The following GGACT variants were observed in gnomAD, a reference collection of about 807,000 sequenced individuals.
GGACT encodes gamma-glutamylaminecyclotransferase.
For missense variants in GGACT, 241 were observed against 233.2 expected, an observed-to-expected ratio of 1.03 and a Z score of -0.22; for synonymous variants, 118 against 115.3, an observed-to-expected ratio of 1.02 and a Z score of -0.15.
chr13:100,557,159 G>A (rs995070303), intron 2 of GGACT, among the ~76,000 whole-genome samples: 1 of 152,212 alleles, frequency 6.6e-6, no homozygotes, highest in Non-Finnish European at 1.5e-5. Context: ...CTAAAGTGCT[G>A]GGATTACAGG....
chr13:100,556,526 G>C (rs566370960), intron 2 of GGACT, among the ~76,000 whole-genome samples: 2 of 151,962 alleles, frequency 1.3e-5, no homozygotes, highest in South Asian at 4.1e-4. Context: ...AATTTTCACA[G>C]TAAAAATGTT....
At chr13:100,580,712 G>A (rs894309236) in intron 2 of GGACT, among the ~76,000 whole-genome samples, 2 of 152,208 alleles carry the variant, frequency 1.3e-5, no homozygotes, top group African/African-American at 4.8e-5. Flanking sequence ...TGGAAGAACT[G>A]CCAGGGGGAA....
intron 2 of GGACT, among the ~76,000 whole-genome samples, chr13:100,563,561 G>A (rs2088784140): frequency 6.6e-6 from 1 of 152,176 alleles, no homozygotes; most frequent in African/African-American, 2.4e-5. Flanking sequence ...CATGCTTGTA[G>A]TCCTGGCTAC....
At chr13:100,588,282 A>C (rs112285430) in intron 1 of GGACT, among the ~76,000 whole-genome samples, 105 of 152,366 alleles carry the variant, frequency 6.9e-4, no homozygotes, top group Non-Finnish European at 1.1e-3. Flanking sequence ...AAGTGCCAGG[A>C]GACGTTTTTA....
At chr13:100,567,537 T>C (rs538451009) in intron 2 of GGACT, among the ~76,000 whole-genome samples, 30 of 152,322 alleles carry the variant, frequency 2.0e-4, no homozygotes. Flanking sequence ...CTTGTTCTCT[T>C]GTAGCAAATG....
At chr13:100,547,289 A>G (rs1194774984) in intron 2 of GGACT, among the ~76,000 whole-genome samples, 1 of 152,202 alleles carries the variant, frequency 6.6e-6, no homozygotes, top group Admixed American at 6.5e-5. Context: ...CTCCCGGGAC[A>G]GCACCCAGAC....
At chr13:100,585,658 C>T (rs1209971245) in intron 1 of GGACT, among the ~76,000 whole-genome samples, 3 of 151,672 alleles carry the variant, frequency 2.0e-5, no homozygotes, top group African/African-American at 7.3e-5. Context: ...GTCCCAGCTA[C>T]TTGGGAGGCT....
intron 2 of GGACT, among the ~76,000 whole-genome samples, chr13:100,572,579 AG>A (rs1875119552): frequency 6.6e-6 from 1 of 152,194 alleles, no homozygotes; most frequent in Non-Finnish European, 1.5e-5. Context: ...TTTTGTAGAC[AG>A]GGTCTTGCTA....
chr13:100,536,470 CATG>C (rs2088493612), intron 2 of GGACT: 1 of 150,438 alleles, frequency 6.6e-6, no homozygotes, highest in Non-Finnish European at 1.5e-5. Flanking sequence ...ATTTTTTTGC[CATG>C]ATATTTATTT....
At chr13:100,567,660 C>T (rs557634671) in intron 2 of GGACT, among the ~76,000 whole-genome samples, 12 of 152,332 alleles carry the variant, frequency 7.9e-5, no homozygotes, top group South Asian at 6.2e-4. Context: ...CATACACACA[C>T]GCACACTTAC....
At chr13:100,547,534 C>G (rs1384820486) in intron 2 of GGACT, among the ~76,000 whole-genome samples, 1 of 152,212 alleles carries the variant, frequency 6.6e-6, no homozygotes, top group East Asian at 1.9e-4. Context: ...CAGGCCTGGT[C>G]TGCGCTTACT....
At position 100,586,824 on chromosome 13, in the gene GGACT, G is replaced by C. The variant is rs865954846; in HGVS notation, c.-184+1917C>G. 2.0e-5 allele frequency: 3 copies of C among 152,366 alleles called. No individual in the cohort carries two copies. The Middle Eastern group carries it at 0.01, about 518-fold the overall frequency. The allele number at this position is 152,366 out of a possible 1,614,324, so 9.4% of individuals were successfully genotyped here. A position where few individuals can be genotyped will look rare whatever the true frequency, so the allele number is the denominator to read the frequency against. Reference sequence around the variant, plus strand: ...TCTTTTCTGTAAATCCATTTAAGGGGGTATCACGATGCCTTTTACGGAGCA... The same window carrying C: ...TCTTTTCTGTAAATCCATTTAAGGGCGTATCACGATGCCTTTTACGGAGCA... On this transcript the variant is annotated intron_variant, in intron 1 of 2. Transcript: ENST00000683975.
chr13:100,553,223 C>T (rs984451618), intron 2 of GGACT, among the ~76,000 whole-genome samples: 3 of 152,134 alleles, frequency 2.0e-5, no homozygotes, highest in South Asian at 4.1e-4. Flanking sequence ...GGGAAGACTG[C>T]GTGGCAGTTT....
intron 2 of GGACT, chr13:100,535,728 T>C (rs1197614228): frequency 6.6e-6 from 1 of 152,254 alleles, no homozygotes; most frequent in Non-Finnish European, 1.5e-5. Flanking sequence ...ACACAGAGCA[T>C]ACTATGATTA....
chr13:100,584,957 G>T (rs917783283), intron 1 of GGACT, among the ~76,000 whole-genome samples: 1 of 152,170 alleles, frequency 6.6e-6, no homozygotes, highest in African/African-American at 2.4e-5. Context: ...TTTGATGAGG[G>T]TTTCCAAGTC....
rs149406003 is a variant in GGACT, at chr13:100,554,681, G to A, written c.-10-22080C>T. ...AGTATCTAGCATTTGAAAATATCAC[G>A]TCTGGAACATACTTTAAAATATGTC... On this transcript the variant is annotated intron_variant, in intron 2 of 2. Coordinates refer to ENST00000683975, the MANE Select transcript of GGACT (RefSeq NM_001195087.2). Among the ~76,000 whole-genome samples, 1,241 of 152,180 alleles carry A rather than the reference G, an allele frequency of 8.2e-3. 7 individuals are homozygous for A. Among genetic ancestry groups the A allele is most frequent in the Middle Eastern group, 0.024 (7 of 294 alleles).
chr13:100,538,743 A>T (rs900055580), intron 2 of GGACT: 1 of 152,228 alleles, frequency 6.6e-6, no homozygotes, highest in Non-Finnish European at 1.5e-5. Context: ...ATATTTCCAT[A>T]TACATTTTTG....
chr13:100,549,685 A>T (rs899269657), intron 2 of GGACT, among the ~76,000 whole-genome samples: 8 of 152,230 alleles, frequency 5.3e-5, no homozygotes, highest in African/African-American at 1.9e-4. Flanking sequence ...TAAGAATATT[A>T]TTAAAACCAG....
intron 2 of GGACT, among the ~76,000 whole-genome samples, chr13:100,562,795 C>CAA (rs201672312): frequency 1.1e-4 from 14 of 123,572 alleles, no homozygotes; most frequent in Non-Finnish European, 1.5e-4. Flanking sequence ...GACAATGTCT[C>CAA]AAAAAAAAAA....
Sources: allele counts gnomAD v4.1 joint callset (sites outside exome capture counted in the v4.1 genomes callset), GRCh38; gene constraint gnomAD v4.1.1; transcripts MANE v1.5; gene names NCBI Gene and HGNC (gene_info 2026-07-23, HGNC 2026-07-21).